The following TEN1 variants were observed in gnomAD, a reference collection of about 807,000 sequenced individuals.
TEN1 encodes TEN1 subunit of CST complex.
Under a neutral mutation model 9.3 loss-of-function variants are expected in TEN1, and 6 were observed. That is an observed-to-expected ratio of 0.65 (90% confidence interval 0.35 to 1.27). The LOEUF (loss-of-function observed/expected upper bound fraction) is 1.27, where lower values mean the gene tolerates loss of function less well. Among genes scored for constraint, TEN1 ranks in the 50% most tolerant of loss-of-function variants. The pLI, the probability that TEN1 is intolerant of heterozygous loss-of-function variation, is 0.03. For synonymous variants in TEN1, 65 were observed against 65.6 expected, an observed-to-expected ratio of 0.99 and a Z score of 0.04; for missense variants, 149 against 158.2, an observed-to-expected ratio of 0.94 and a Z score of 0.31.
At chr17:75,991,857 G>C (rs1712281678) in intron 3 of TEN1, among the ~76,000 whole-genome samples, 1 of 152,096 alleles carries the variant, frequency 6.6e-6, no homozygotes, top group Admixed American at 6.6e-5. Flanking sequence ...GACCAGCCTA[G>C]CCAACATGGC....
chr17:75,989,890 C>T (rs2066174879), intron 2 of TEN1, among the ~76,000 whole-genome samples: 1 of 150,892 alleles, frequency 6.6e-6, no homozygotes, highest in South Asian at 2.1e-4. Flanking sequence ...CACAGGCGTG[C>T]ACCACTGTAC....
At chr17:75,984,627 G>T (rs182722151) in intron 1 of TEN1, 1 of 152,398 alleles carries the variant, frequency 6.6e-6, no homozygotes, top group African/African-American at 2.4e-5. Context: ...TGATCTGCCC[G>T]CCTCAGCCTC....
chr17:75,997,646 A>G (rs747732263), intron 3 of TEN1, among the ~76,000 whole-genome samples: 1 of 152,070 alleles, frequency 6.6e-6, no homozygotes, highest in Admixed American at 6.6e-5. Flanking sequence ...AGCCTCCTCT[A>G]TATGGAAATA....
At chr17:75,983,773 T>G (rs2066136541) in intron 1 of TEN1, among the ~76,000 whole-genome samples, 1 of 152,106 alleles carries the variant, frequency 6.6e-6, no homozygotes, top group Non-Finnish European at 1.5e-5. Context: ...GGGTGCAACC[T>G]TAGGGGTGTG....
chr17:75,999,713 A>T (rs1274076215), intron 3 of TEN1, among the ~76,000 whole-genome samples: 4 of 152,098 alleles, frequency 2.6e-5, no homozygotes, highest in Admixed American at 2.6e-4. Context: ...ATAGTGGCAA[A>T]CCTTTCCATT....
chr17:75,983,590 G>A (rs1189767299), intron 1 of TEN1, among the ~76,000 whole-genome samples: 1 of 152,206 alleles, frequency 6.6e-6, no homozygotes, highest in Non-Finnish European at 1.5e-5. Context: ...TTCATGGAGA[G>A]CATGGCATTA....
In TEN1 at chr17:75,995,118, C is replaced by T. The variant is rs572350296; in HGVS notation, c.250+3495C>T. Among the ~76,000 whole-genome samples, 19 of 151,566 alleles carry T rather than the reference C, an allele frequency of 1.3e-4. No homozygotes were observed. The South Asian group carries it at 2.7e-3, about 22-fold the overall frequency. ...GGCTTGTAGTCCCAGTTACTTGAGACGCTGAGGTGGCAGGATTGCTTGAGT... is the reference window on the plus strand; with the variant it reads ...GGCTTGTAGTCCCAGTTACTTGAGATGCTGAGGTGGCAGGATTGCTTGAGT... On this transcript the variant is annotated intron_variant, in intron 3 of 3. Transcript: ENST00000397640.
At chr17:75,989,805 C>T (rs1259765658) in intron 2 of TEN1, among the ~76,000 whole-genome samples, 1 of 151,594 alleles carries the variant, frequency 6.6e-6, no homozygotes, top group Non-Finnish European at 1.5e-5. Flanking sequence ...CACTGTGTCG[C>T]CCAGGCTGAA....
rs2066247954 is a variant in TEN1 at position 76,000,442 on chromosome 17, C to G, written c.*180C>G. ...TTGGGATTGGCTCAGCAATGAGAAC[C>G]CAGAAAGCATGCCATAAATCCGACA... is the stretch of plus-strand genomic sequence containing the variant. On this transcript the variant is annotated 3_prime_UTR_variant, in exon 4 of 4. Coordinates refer to ENST00000397640, the MANE Select transcript of TEN1 (RefSeq NM_001113324.3). This position sits in a 1 kb window ranked among gnomAD's most constrained non-coding sequence, Gnocchi z 5.9. 4 of 948,240 alleles carry G rather than the reference C, an allele frequency of 4.2e-6. No individual in the cohort carries two copies. The highest frequency in any genetic ancestry group is 3.0e-6 in the Non-Finnish European group (2 of 664,576). 58.7% of individuals were successfully genotyped at this position (948,240 alleles called of 1,614,324 possible).
intron 3 of TEN1, among the ~76,000 whole-genome samples, chr17:75,993,265 G>A (rs1452154702): frequency 1.3e-5 from 2 of 151,790 alleles, no homozygotes; most frequent in Non-Finnish European, 2.9e-5. Flanking sequence ...CACCACGCCT[G>A]GCTAATTTTT....
In TEN1 at chr17:75,992,065, AAAAGAC is replaced by A. The variant is rs1339575185; in HGVS notation, c.250+444_250+449del. On this transcript the variant is annotated intron_variant, in intron 3 of 3. Transcript: ENST00000397640. ...CCGTCTCAAAAAAAAAAAAAAAAAA[AAAAGAC>A]AGGTACAGTGAAGAGACAATCCCCC... 1.7e-4 allele frequency among the ~76,000 whole-genome samples: 25 copies of A among 149,276 alleles called. 1 individual carries two copies. The highest frequency in any genetic ancestry group is 5.3e-4 in the Admixed American group (8 of 15,168).
chr17:75,982,281 G>A (rs2066126578), intron 1 of TEN1, among the ~76,000 whole-genome samples: 1 of 152,160 alleles, frequency 6.6e-6, no homozygotes, highest in Non-Finnish European at 1.5e-5. Flanking sequence ...TACCTTTTAT[G>A]TTCAATCATT....
intron 1 of TEN1, among the ~76,000 whole-genome samples, chr17:75,982,787 T>C (rs2066129346): frequency 6.6e-6 from 1 of 151,754 alleles, no homozygotes; most frequent in Non-Finnish European, 1.5e-5. Context: ...CTCGGCTCAC[T>C]GCAGCCTCCG....
At chr17:75,985,644 C>A (rs1453166734) in intron 1 of TEN1, among the ~76,000 whole-genome samples, 1 of 152,200 alleles carries the variant, frequency 6.6e-6, no homozygotes, top group Non-Finnish European at 1.5e-5. Context: ...CCTGCCTCAG[C>A]CTCCCAAGTA....
rs531188628 is a variant in TEN1, at chr17:75,994,602, T to A, written c.250+2979T>A. Among the ~76,000 whole-genome samples the A allele has an allele frequency of 7.3e-5, 11 of 151,500 alleles. No individual in the cohort carries two copies. In the East Asian group the frequency reaches 2.2e-3, roughly 30 times the overall value. On this transcript the variant is annotated intron_variant, in intron 3 of 3. Coordinates refer to ENST00000397640, the MANE Select transcript of TEN1 (RefSeq NM_001113324.3). ...AAGCGATTCTCCTGCCTTGGCCTCC[T>A]GAGTAGCTGGGATTACAGGCGCCTG...
rs1411036192 is a variant in TEN1 at position 75,986,297 on chromosome 17, A to C, written c.92+13A>C. On this transcript the variant is annotated intron_variant, in intron 2 of 3. Transcript: ENST00000397640. ...GAACATTTGGCAGGTGAGAACGGTT[A>C]TTTTTTTCACTGGTGGGGGTGATGA... is the stretch of plus-strand genomic sequence containing the variant. 2 of 1,541,174 alleles carry C rather than the reference A, an allele frequency of 1.3e-6. No homozygotes were observed. Among genetic ancestry groups the C allele is most frequent in the Non-Finnish European group, 8.8e-7 (1 of 1,141,866 alleles).
chr17:75,991,334 C>A, intron 2 of TEN1, 132 bp from the exon 3 acceptor site: 1 of 910,442 alleles, frequency 1.1e-6, no homozygotes. Flanking sequence ...TGGTTTGTTG[C>A]TGCAATTTGC....
At chr17:75,991,164 A>AG (rs1190916996) in intron 2 of TEN1, among the ~76,000 whole-genome samples, 34 of 150,720 alleles carry the variant, frequency 2.3e-4, no homozygotes, top group Admixed American at 1.3e-3. Context: ...AAAAAAAAAA[A>AG]AAAAGAAAAA....
chr17:75,983,665 ATCT>A (rs1466787928), intron 1 of TEN1, among the ~76,000 whole-genome samples: 1 of 152,206 alleles, frequency 6.6e-6, no homozygotes, highest in Non-Finnish European at 1.5e-5. Flanking sequence ...TTATTAGTCA[ATCT>A]TCTGGAAGGC....
Sources: gnomAD v4.1 joint callset for allele counts (sites outside exome capture counted in the v4.1 genomes callset) on GRCh38, gnomAD v4.1.1 for gene constraint, Gnocchi (gnomAD v3.1) non-coding constraint, MANE v1.5 for transcripts, NCBI Gene and HGNC (gene_info 2026-07-23, HGNC 2026-07-21) for gene names.